The following PAM variants were observed in gnomAD, a reference collection of about 807,000 sequenced individuals.
PAM encodes the protein peptidyl-glycine alpha-amidating monooxygenase.
Under a neutral mutation model 122.1 loss-of-function variants are expected in PAM, and 72 were observed. The ratio of observed to expected loss-of-function variants is 0.59; its 90% CI spans 0.49 to 0.72. The LOEUF is 0.72. Among genes scored for constraint, PAM ranks in the 30% least tolerant of loss-of-function variants. The pLI is 0.00. For synonymous variants in PAM, 389 were observed against 404.4 expected (o/e 0.96, Z 0.46); for missense variants, 1,106 against 1,183.7 (o/e 0.93, Z 0.96).
chr5:102,953,383 AG>A (rs373729256), intron 12 of PAM, among the ~76,000 whole-genome samples: 109 of 151,874 alleles, frequency 7.2e-4, no homozygotes, highest in African/African-American at 2.3e-3. Context: ...CTTTACAAGG[AG>A]GGGGGGGAAT....
chr5:103,015,515 T>TA (rs578250667), intron 21 of PAM, among the ~76,000 whole-genome samples: 25 of 152,254 alleles, frequency 1.6e-4, no homozygotes, highest in African/African-American at 6.0e-4. Flanking sequence ...GCTCTAAAAA[T>TA]ACTAAAGCTT....
At chr5:102,972,153 A>G (rs1333022088) in intron 14 of PAM, among the ~76,000 whole-genome samples, 1 of 152,186 alleles carries the variant, frequency 6.6e-6, no homozygotes, top group Non-Finnish European at 1.5e-5. Context: ...GTCTTCCTCC[A>G]TCAAGATTAC....
In PAM at chr5:102,960,011, C is replaced by A. The variant is rs773549904; in HGVS notation, c.1042C>A (p.Pro348Thr). The A allele has an allele frequency of 1.2e-6, 2 of 1,611,678 alleles. No homozygotes were observed. Among genetic ancestry groups the A allele is most frequent in the East Asian group, 2.2e-5 (1 of 44,824 alleles). ...AACCATACCACCAGAGGCCAACATTCCAATTCCCGTGAAGTCTGATATGGT... is the reference window on the plus strand; with the variant it reads ...AACCATACCACCAGAGGCCAACATTACAATTCCCGTGAAGTCTGATATGGT... The part of the protein sequence containing the change: ...FRTIPPEANI[P>T]IPVKSDMVMM... Residue 348 changes from proline (P) to threonine (T), a missense_variant, in exon 13 of 26, where the codon CCA (proline) becomes ACA (threonine). Physicochemically the swap from Pro to Thr is conservative, Grantham distance 38. Transcript: ENST00000438793.
intron 22 of PAM, 57 bp downstream of exon 22, chr5:103,017,490 C>A: frequency 1.0e-6 from 1 of 1,001,110 alleles, no homozygotes; most frequent in Non-Finnish European, 1.6e-6. Flanking sequence ...TGCTTAAAAG[C>A]ATATGAAACA....
intron 7 of PAM, among the ~76,000 whole-genome samples, chr5:102,927,272 G>C (rs1003112880): frequency 1.3e-5 from 2 of 152,092 alleles, no homozygotes; most frequent in African/African-American, 4.8e-5. Context: ...ACTATAGATC[G>C]TTAGCATGAG....
intron 7 of PAM, among the ~76,000 whole-genome samples, chr5:102,937,869 G>A (rs1342605127): frequency 6.6e-6 from 1 of 152,166 alleles, no homozygotes; most frequent in Non-Finnish European, 1.5e-5. Flanking sequence ...TAGTTATGAA[G>A]TGAAATGAAC....
chr5:102,819,179 C>T (rs1016044130), intron 1 of PAM, among the ~76,000 whole-genome samples: 29 of 152,248 alleles, frequency 1.9e-4, no homozygotes, highest in Admixed American at 9.2e-4. Context: ...GCAAACCTTA[C>T]ATTATAATTG....
intron 3 of PAM, among the ~76,000 whole-genome samples, chr5:102,870,937 G>T (rs7730497): frequency 0.019 from 2,960 of 152,196 alleles, 86 homozygotes; most frequent in African/African-American, 0.068. Context: ...AAAAACAAAA[G>T]AATTTGATAA....
At chr5:102,925,455 G>C (rs931178134) in intron 6 of PAM, among the ~76,000 whole-genome samples, 1 of 152,152 alleles carries the variant, frequency 6.6e-6, no homozygotes, top group Non-Finnish European at 1.5e-5. Context: ...CTGGCTTTCT[G>C]ACTGCACCTC....
intron 17 of PAM, among the ~76,000 whole-genome samples, chr5:103,004,121 A>G (rs996327629): frequency 3.9e-5 from 6 of 152,196 alleles, no homozygotes; most frequent in African/African-American, 1.4e-4. Context: ...GTGGATAGCC[A>G]CCGTTTTGAG....
Position 102,814,550 on chromosome 5 carries a change from T to A in PAM, c.-373-51273T>A. 1.3e-5 allele frequency among the ~76,000 whole-genome samples: 2 copies of A among 148,266 alleles called. 1 individual carries two copies. Among genetic ancestry groups the A allele is most frequent in the African/African-American group, 4.9e-5 (2 of 40,522 alleles). On this transcript the variant is annotated intron_variant, in intron 1 of 25. Coordinates refer to ENST00000438793, the MANE Select transcript of PAM (RefSeq NM_001177306.2). ...CTATATATACATATATATTGATATA[T>A]ACATATATATAGATATATACATATA...
intron 7 of PAM, 70 bp from the exon 8 acceptor site, chr5:102,946,767 A>AAC (rs1554132186): frequency 2.3e-6 from 2 of 887,582 alleles, no homozygotes; most frequent in Admixed American, 2.0e-5. Flanking sequence ...AATCATTTCT[A>AAC]TCTTACTAGT....
At chr5:102,995,318 T>C (rs914427837) in intron 16 of PAM, among the ~76,000 whole-genome samples, 1 of 152,132 alleles carries the variant, frequency 6.6e-6, no homozygotes, top group African/African-American at 2.4e-5. Context: ...TACCGGAGCC[T>C]TTTTCTTCCA....
Position 102,943,990 on chromosome 5 carries a change from A to C in PAM, c.527-2847A>C, listed in dbSNP as rs1267156882. Among the ~76,000 whole-genome samples, 6 of 152,204 alleles carry C rather than the reference A, an allele frequency of 3.9e-5. No individual in the cohort carries two copies. In the South Asian group the frequency reaches 1.2e-3, roughly 32 times the overall value. ...CAGACTACTCTTTGGAAGTCTTACC[A>C]CCCAACAACCAGCACTACAATATTG... On this transcript the variant is annotated intron_variant, in intron 7 of 25. Transcript: ENST00000438793.
rs1270218241 is a variant in PAM, at chr5:102,763,160, ATAGT to A, written c.-374+7816_-374+7819del. On this transcript the variant is annotated intron_variant, in intron 1 of 25. Transcript: ENST00000438793. ...TCTTGGTCCCATGATTATCCAGTAG[ATAGT>A]TAGCACTGTTTCAGCTTGCATTGTC... Among the ~76,000 whole-genome samples, 6 of 152,306 alleles carry A rather than the reference ATAGT, an allele frequency of 3.9e-5. No homozygotes were observed. In the South Asian group the frequency reaches 8.3e-4, roughly 21 times the overall value.
chr5:102,890,537 C>A (rs1361250878), intron 3 of PAM, among the ~76,000 whole-genome samples: 3 of 151,760 alleles, frequency 2.0e-5, no homozygotes, highest in Non-Finnish European at 4.4e-5. Flanking sequence ...CATTTTTGTT[C>A]TATAATTGCT....
At chr5:102,830,014 C>T (rs1774962669) in intron 1 of PAM, among the ~76,000 whole-genome samples, 1 of 152,106 alleles carries the variant, frequency 6.6e-6, no homozygotes, top group African/African-American at 2.4e-5. Context: ...ATTACACAGA[C>T]CTAGCAACAC....
intron 3 of PAM, among the ~76,000 whole-genome samples, chr5:102,876,386 A>G (rs560594778): frequency 6.6e-6 from 1 of 152,242 alleles, no homozygotes; most frequent in African/African-American, 2.4e-5. Flanking sequence ...ATTAAAACAG[A>G]AGTCAGAGCA....
chr5:102,811,207 A>G (rs1033233373), intron 1 of PAM, among the ~76,000 whole-genome samples: 1 of 152,218 alleles, frequency 6.6e-6, no homozygotes, highest in South Asian at 2.1e-4. Flanking sequence ...GTGGCTTAAA[A>G]AGTACAAATT....
Sources: allele counts gnomAD v4.1 joint callset (sites outside exome capture counted in the v4.1 genomes callset), GRCh38; gene constraint gnomAD v4.1.1; transcripts MANE v1.5; gene names NCBI Gene and HGNC (gene_info 2026-07-23, HGNC 2026-07-21).